The following SYBU variants were observed in gnomAD, a reference collection of about 807,000 sequenced individuals.
SYBU encodes the protein syntabulin.
A neutral mutation model predicts 35.9 loss-of-function variants in SYBU; 21 were observed. The ratio of observed to expected loss-of-function variants is 0.58; its 90% confidence interval spans 0.41 to 0.84. SYBU has a LOEUF of 0.84. Ranked by LOEUF, SYBU falls within the 40% of genes least tolerant of loss-of-function variation. SYBU has a pLI of 0.00. For synonymous variants in SYBU, 319 were observed against 324.3 expected (o/e 0.98, Z 0.18); for missense variants, 768 against 848.2 (o/e 0.91, Z 1.17).
intron 1 of SYBU, among the ~76,000 whole-genome samples, chr8:109,677,911 G>T (rs1817249449): frequency 1.3e-5 from 2 of 152,082 alleles, no homozygotes; most frequent in African/African-American, 4.8e-5. Context: ...GAGGTGGGTG[G>T]ATCACCTGAG....
intron 3 of SYBU, among the ~76,000 whole-genome samples, chr8:109,606,299 TA>T: frequency 6.6e-6 from 1 of 152,342 alleles, no homozygotes; most frequent in African/African-American, 2.4e-5. Context: ...ACGTTTATAG[TA>T]ATCACAATAC....
intron 1 of SYBU, among the ~76,000 whole-genome samples, chr8:109,650,444 G>A (rs1816079816): frequency 6.6e-6 from 1 of 152,170 alleles, no homozygotes; most frequent in Admixed American, 6.5e-5. Flanking sequence ...ATTGCCAAAT[G>A]GAGCTGAGCA....
At chr8:109,603,704 G>A (rs1176545561) in intron 3 of SYBU, among the ~76,000 whole-genome samples, 1 of 152,146 alleles carries the variant, frequency 6.6e-6, no homozygotes, top group Admixed American at 6.5e-5. Flanking sequence ...AAAAACAAGG[G>A]AATAAGCAGG....
intron 5 of SYBU, among the ~76,000 whole-genome samples, chr8:109,578,766 A>C (rs1159518213): frequency 2.6e-5 from 4 of 152,218 alleles, no homozygotes; most frequent in Non-Finnish European, 5.9e-5. Context: ...GAAGGAAGCC[A>C]GCCAGAGGAC....
chr8:109,644,162 A>C (rs1243518393), intron 1 of SYBU: 1 of 459,450 alleles, frequency 2.2e-6, no homozygotes, highest in Admixed American at 2.3e-5. Context: ...CATCCACTCT[A>C]CCCGGGGGCC....
At chr8:109,582,724 A>T (rs1823183365) in intron 4 of SYBU, among the ~76,000 whole-genome samples, 1 of 152,146 alleles carries the variant, frequency 6.6e-6, no homozygotes, top group Non-Finnish European at 1.5e-5. Context: ...GCAAATTGAT[A>T]TGTTGAAGCC....
Position 109,609,356 on chromosome 8 carries a change from C to G in SYBU, c.427+9486G>C, listed in dbSNP as rs189376718. On this transcript the variant is annotated intron_variant, in intron 3 of 6. Transcript: ENST00000276646. Reference sequence around the variant, plus strand: ...TGGAAGAGACAAAGAAATTCACAAACAGATTTTGTAATTATTCCTATGGTA... The same window carrying G: ...TGGAAGAGACAAAGAAATTCACAAAGAGATTTTGTAATTATTCCTATGGTA... Among the ~76,000 whole-genome samples, 79 of 152,322 alleles carry G rather than the reference C, an allele frequency of 5.2e-4. No homozygotes were observed. In the East Asian group the frequency reaches 0.01, roughly 20 times the overall value.
Position 109,575,765 on chromosome 8 carries a change from A to G in SYBU, c.1133T>C (p.Met378Thr). ...KLESLLQSMEMAHSGSLRDEL... is the reference protein window; with the variant it reads ...KLESLLQSMETAHSGSLRDEL... Reference sequence around the variant, plus strand: ...GTCCCTCAGAGAGCCACTGTGTGCCATCTCCATGCTCTGAAGGAGAGACTC... The same window carrying G: ...GTCCCTCAGAGAGCCACTGTGTGCCGTCTCCATGCTCTGAAGGAGAGACTC... The change falls in exon 7 of 7, where the codon ATG (methionine) becomes ACG (threonine). Residue 378 changes from methionine (M) to threonine (T), a missense_variant. Coordinates refer to ENST00000276646, the MANE Select transcript of SYBU (RefSeq NM_001099754.2). 6.2e-7 allele frequency: 1 copy of G among 1,614,178 alleles called. No homozygotes were observed. The highest frequency in any genetic ancestry group is 8.5e-7 in the Non-Finnish European group (1 of 1,180,032).
At chr8:109,648,242 T>C (rs1453681233), upstream of SYBU, among the ~76,000 whole-genome samples, 2 of 135,318 alleles carry the variant, frequency 1.5e-5, no homozygotes, top group African/African-American at 6.7e-5. Flanking sequence ...AAATAATATA[T>C]AATAATATAT....
intron 4 of SYBU, among the ~76,000 whole-genome samples, chr8:109,582,211 A>G (rs1340021231): frequency 1.3e-5 from 2 of 152,218 alleles, no homozygotes; most frequent in African/African-American, 2.4e-5. Flanking sequence ...GCGCTGTTTC[A>G]GGTGCTTTCT....
chr8:109,665,887 A>G (rs1816735705), intron 1 of SYBU, among the ~76,000 whole-genome samples: 2 of 152,220 alleles, frequency 1.3e-5, no homozygotes, highest in African/African-American at 4.8e-5. Context: ...GCTTCTATTT[A>G]AAATACAAAG....
At chr8:109,647,129 G>A (rs1815780312), upstream of SYBU, 1 of 152,154 alleles carries the variant, frequency 6.6e-6, no homozygotes, top group South Asian at 2.1e-4. Context: ...ACTCCTTAAT[G>A]TGGCACACAA....
chr8:109,604,073 A>G (rs1201723134), intron 3 of SYBU, among the ~76,000 whole-genome samples: 1 of 152,216 alleles, frequency 6.6e-6, no homozygotes, highest in Admixed American at 6.5e-5. Context: ...AAATAAAGAA[A>G]GAGAGGAGAG....
chr8:109,576,022 C>T lies in SYBU; in HGVS notation c.885-9G>A, dbSNP rs762742409. On this transcript the variant is annotated splice_polypyrimidine_tract_variant and intron_variant, in intron 6 of 6. Coordinates refer to ENST00000276646, the MANE Select transcript of SYBU (RefSeq NM_001099754.2). The stretch of plus-strand genomic sequence containing the variant: ...CCACGATTTCACTTTCCCTAGAGTG[C>T]CAAGACAAGCATGGTTAATTAAAAA... 4.4e-6 allele frequency: 6 copies of T among 1,369,438 alleles called. No individual in the cohort carries two copies. Among genetic ancestry groups the T allele is most frequent in the Non-Finnish European group, 5.9e-6 (6 of 1,009,494 alleles). 84.8% of individuals were successfully genotyped at this position (1,369,438 alleles called of 1,614,324 possible).
chr8:109,630,920 G>A (rs1303914066), intron 2 of SYBU, among the ~76,000 whole-genome samples: 1 of 152,192 alleles, frequency 6.6e-6, no homozygotes, highest in African/African-American at 2.4e-5. Context: ...AAGGTGACTT[G>A]AAAGGCAGGA....
upstream of SYBU, chr8:109,645,079 G>A: frequency 2.0e-6 from 1 of 491,516 alleles, no homozygotes; most frequent in Non-Finnish European, 4.0e-6. Flanking sequence ...CCAGCCCAGG[G>A]GTGACCCCAC....
At chr8:109,576,778 A>G (rs1456535492) in intron 6 of SYBU, among the ~76,000 whole-genome samples, 2 of 152,198 alleles carry the variant, frequency 1.3e-5, no homozygotes, top group Non-Finnish European at 2.9e-5. Context: ...TTTCTTATAT[A>G]TAATTTTTTC....
intron 2 of SYBU, among the ~76,000 whole-genome samples, chr8:109,641,782 G>T (rs1814908620): frequency 6.6e-6 from 1 of 152,226 alleles, no homozygotes; most frequent in Admixed American, 6.5e-5. Context: ...TAGAATGGCA[G>T]TAATTAAAAG....
chr8:109,615,869 G>T (rs1245872990), intron 3 of SYBU, among the ~76,000 whole-genome samples: 1 of 151,982 alleles, frequency 6.6e-6, no homozygotes, highest in Admixed American at 6.6e-5. Context: ...TCTGGAGTAT[G>T]GGTCCATAGT....
Sources: gnomAD v4.1 joint callset for allele counts (sites outside exome capture counted in the v4.1 genomes callset) on GRCh38, gnomAD v4.1.1 for gene constraint, MANE v1.5 for transcripts, NCBI Gene and HGNC (gene_info 2026-07-23, HGNC 2026-07-21) for gene names.